Variants in RAB33B observed in about 807,000 individuals in gnomAD.
The protein encoded by RAB33B is ras-related protein Rab-33B.
A neutral mutation model predicts 15.0 loss-of-function variants in RAB33B; 6 were observed. The observed-to-expected ratio is 0.40, with a 90% confidence interval of 0.22 to 0.79. RAB33B has a LOEUF of 0.79. RAB33B is among the 30% of genes least tolerant of loss of function. The probability of loss-of-function intolerance (pLI) is 0.37; values close to 1 mark genes in which losing one functional copy is unlikely to be tolerated. For synonymous variants in RAB33B, 117 were observed against 108.3 expected (o/e 1.08, Z -0.50); for missense variants, 257 against 296.4 (o/e 0.87, Z 0.98).
the RAB33B span, among the ~76,000 whole-genome samples, chr4:139,442,704 T>C: frequency 6.6e-6 from 1 of 152,202 alleles, no homozygotes; most frequent in Non-Finnish European, 1.5e-5. Context: ...ACTGGCTTCC[T>C]TTCTTGCAGC....
chr4:139,458,404 A>G (rs1368641848), intron 1 of RAB33B, among the ~76,000 whole-genome samples: 2 of 152,198 alleles, frequency 1.3e-5, no homozygotes, highest in South Asian at 2.1e-4. Flanking sequence ...TTTGTCACCC[A>G]CATATTAAGC....
intron 1 of RAB33B, among the ~76,000 whole-genome samples, chr4:139,461,229 A>C (rs1163733433): frequency 6.6e-6 from 1 of 152,204 alleles, no homozygotes; most frequent in Non-Finnish European, 1.5e-5. Context: ...GACGTAGGTC[A>C]CATGCCCTCC....
chr4:139,471,052 GAGTCTC>G (rs1750379149), intron 1 of RAB33B, among the ~76,000 whole-genome samples: 1 of 152,196 alleles, frequency 6.6e-6, no homozygotes, highest in African/African-American at 2.4e-5. Flanking sequence ...GTCCCAGCTG[GAGTCTC>G]AGTATGTCTC....
At position 139,476,282 on chromosome 4, in the gene RAB33B, G is replaced by A. The variant is rs540367724; in HGVS notation, c.*3156G>A. 5.7e-4 allele frequency: 87 copies of A among 152,278 alleles called. No individual in the cohort carries two copies. The highest frequency in any genetic ancestry group is 2.0e-3 in the African/African-American group (85 of 41,558). The allele number at this position is 152,278 out of a possible 1,614,324, so 9.4% of individuals were successfully genotyped here. ...TATAGAAAGTATGAGAAAAGAGAAC[G>A]AACTACGTCTCAGGTATAAGATTGC... On this transcript the variant is annotated 3_prime_UTR_variant, in exon 2 of 2. Coordinates refer to ENST00000305626, the MANE Select transcript of RAB33B (RefSeq NM_031296.3).
chr4:139,445,153 G>C, the RAB33B span, among the ~76,000 whole-genome samples: 179 of 152,342 alleles, frequency 1.2e-3, no homozygotes, highest in African/African-American at 3.8e-3. Flanking sequence ...ACATCTCCTG[G>C]TACGTGGTAT....
At chr4:139,470,261 G>T (rs1256937653) in intron 1 of RAB33B, among the ~76,000 whole-genome samples, 1 of 152,116 alleles carries the variant, frequency 6.6e-6, no homozygotes, top group Admixed American at 6.5e-5. Flanking sequence ...CACTCAAACT[G>T]CATGACACAG....
chr4:139,465,323 C>G (rs565264163), intron 1 of RAB33B, among the ~76,000 whole-genome samples: 3 of 152,248 alleles, frequency 2.0e-5, no homozygotes, highest in Admixed American at 2.0e-4. Context: ...CAAAAATTTT[C>G]TCTCATTCTG....
intron 1 of RAB33B, among the ~76,000 whole-genome samples, chr4:139,455,871 G>A (rs1279943625): frequency 6.6e-6 from 1 of 152,158 alleles, no homozygotes; most frequent in Non-Finnish European, 1.5e-5. Context: ...CTGAACCTAC[G>A]AAAGGGTAGG....
At chr4:139,456,092 T>G (rs989986413) in intron 1 of RAB33B, among the ~76,000 whole-genome samples, 1 of 152,200 alleles carries the variant, frequency 6.6e-6, no homozygotes, top group Non-Finnish European at 1.5e-5. Flanking sequence ...GCTGTGAGGA[T>G]CAGATGAGGA....
intron 1 of RAB33B, among the ~76,000 whole-genome samples, chr4:139,462,715 C>G (rs1750198674): frequency 6.6e-6 from 1 of 152,190 alleles, no homozygotes; most frequent in Non-Finnish European, 1.5e-5. Flanking sequence ...TAAATTTTAG[C>G]TTTCTGGAGT....
intron 1 of RAB33B, among the ~76,000 whole-genome samples, chr4:139,462,954 C>T (rs879765415): frequency 1.1e-4 from 16 of 152,022 alleles, no homozygotes; most frequent in Non-Finnish European, 1.6e-4. Flanking sequence ...TCAGTTGAGC[C>T]GAGGAATTCG....
At chr4:139,445,726 C>T in the RAB33B span, among the ~76,000 whole-genome samples, 4 of 152,150 alleles carry the variant, frequency 2.6e-5, no homozygotes, top group Non-Finnish European at 5.9e-5. Flanking sequence ...TACAACATGT[C>T]CAGACTGCTG....
chr4:139,474,817 AC>A lies in RAB33B; in HGVS notation c.*1692del, dbSNP rs1209728064. On this transcript the variant is annotated 3_prime_UTR_variant, in exon 2 of 2. Coordinates refer to ENST00000305626, the MANE Select transcript of RAB33B (RefSeq NM_031296.3). ...AGCCATGACTTTAACTGAAGTGTTC[AC>A]ATTCACTAATTTTGATAGATTGCTG... 1 of 152,636 alleles carries A rather than the reference AC, an allele frequency of 6.6e-6. No homozygotes were observed. Among genetic ancestry groups the A allele is most frequent in the Admixed American group, 6.5e-5 (1 of 15,276 alleles). 9.5% of individuals were successfully genotyped at this position (152,636 alleles called of 1,614,324 possible). A position where few individuals can be genotyped will look rare whatever the true frequency, so the allele number is the denominator to read the frequency against.
chr4:139,472,859 AC>A lies in RAB33B; in HGVS notation c.425del (p.Pro142HisfsTer11). The A allele has an allele frequency of 6.2e-7, 1 of 1,614,210 alleles. No individual in the cohort carries two copies. Among genetic ancestry groups the A allele is most frequent in the Non-Finnish European group, 8.5e-7 (1 of 1,180,044 alleles). ...AACAACATTTGCTAGCCAATGATAT[AC>A]CACGGATTCTTGTTGGAAATAAATG... ...CKQHLLANDI[P>X]RILVGNKCDL... is the part of the protein sequence containing the mutation. On this transcript the variant is annotated frameshift_variant, in exon 2 of 2. Transcript: ENST00000305626. LOFTEE classifies it high-confidence loss of function.
intron 1 of RAB33B, among the ~76,000 whole-genome samples, chr4:139,463,325 G>A (rs1750209234): frequency 2.0e-5 from 3 of 152,032 alleles, no homozygotes; most frequent in Non-Finnish European, 2.9e-5. Context: ...TAGTAGAGAC[G>A]GGGTTTCACC....
the RAB33B span, among the ~76,000 whole-genome samples, chr4:139,441,888 TCTC>T: frequency 1.3e-5 from 2 of 152,198 alleles, no homozygotes; most frequent in African/African-American, 4.8e-5. Context: ...CCTAGAATCC[TCTC>T]CTATTTGTTT....
chr4:139,472,462 G>A (rs1044828803), intron 1 of RAB33B, among the ~76,000 whole-genome samples: 2 of 152,124 alleles, frequency 1.3e-5, no homozygotes, highest in African/African-American at 2.4e-5. Flanking sequence ...AGAAAATCCT[G>A]TATTGAAATA....
chr4:139,465,333 G>A (rs1222516024), intron 1 of RAB33B, among the ~76,000 whole-genome samples: 6 of 152,162 alleles, frequency 3.9e-5, no homozygotes, highest in Non-Finnish European at 8.8e-5. Context: ...CTCTCATTCT[G>A]TAGGTTGCCT....
chr4:139,470,825 C>T (rs965972980), intron 1 of RAB33B, among the ~76,000 whole-genome samples: 6 of 151,976 alleles, frequency 3.9e-5, no homozygotes, highest in South Asian at 2.1e-4. Context: ...CTAGAAATGT[C>T]GTCTAGGAGG....
Sources: allele counts gnomAD v4.1 joint callset (sites outside exome capture counted in the v4.1 genomes callset), GRCh38; gene constraint gnomAD v4.1.1; transcripts MANE v1.5; gene names NCBI Gene and HGNC (gene_info 2026-07-23, HGNC 2026-07-21).